Variants in BTC observed in about 807,000 individuals in gnomAD.
The protein encoded by BTC is probetacellulin.
A neutral mutation model predicts 18.1 loss-of-function variants in BTC; 13 were observed. The ratio of observed to expected loss-of-function variants is 0.72; its 90% confidence interval spans 0.47 to 1.14. The LOEUF (loss-of-function observed/expected upper bound fraction) is 1.14. Ranked by LOEUF, BTC falls within the 50% of genes most tolerant of loss-of-function variation. The pLI is 0.00. For synonymous variants in BTC, 83 were observed against 79.4 expected (o/e 1.05, Z -0.24); for missense variants, 247 against 224.2 (o/e 1.10, Z -0.65).
chr4:74,748,002 C>A lies in BTC; in HGVS notation c.*1+38G>T. On this transcript the variant is annotated intron_variant, in intron 5 of 5. Coordinates refer to ENST00000395743, the MANE Select transcript of BTC (RefSeq NM_001729.4). ...GCCCAATCTAACCAGTTAAATGTCA[C>A]CTGAATAGTTTTCTATCAGCAAGTT... is the stretch of plus-strand genomic sequence containing the variant. 2.5e-6 allele frequency: 3 copies of A among 1,203,380 alleles called. No individual in the cohort carries two copies. In the South Asian group the frequency reaches 4.2e-5, roughly 17 times the overall value. 74.5% of individuals were successfully genotyped at this position (1,203,380 alleles called of 1,614,324 possible).
At chr4:74,756,582 C>T (rs1724605351) in intron 2 of BTC, among the ~76,000 whole-genome samples, 1 of 152,206 alleles carries the variant, frequency 6.6e-6, no homozygotes, top group South Asian at 2.1e-4. Flanking sequence ...CAGTCTGCCA[C>T]TGAGTCCACG....
intron 2 of BTC, among the ~76,000 whole-genome samples, chr4:74,763,513 T>G (rs1222716687): frequency 6.6e-6 from 1 of 151,980 alleles, no homozygotes; most frequent in East Asian, 1.9e-4. Flanking sequence ...TTACATTTAT[T>G]ATTTGTAAAC....
intron 1 of BTC, among the ~76,000 whole-genome samples, chr4:74,772,412 A>G (rs552423934): frequency 2.8e-4 from 43 of 152,348 alleles, no homozygotes; most frequent in African/African-American, 9.9e-4. Flanking sequence ...GGAATTTTAT[A>G]TTACTCATCT....
At chr4:74,775,065 G>A (rs1725142277) in intron 1 of BTC, among the ~76,000 whole-genome samples, 1 of 152,066 alleles carries the variant, frequency 6.6e-6, no homozygotes, top group African/African-American at 2.4e-5. Flanking sequence ...AAAGATACAA[G>A]GTATAAAGAA....
chr4:74,776,145 T>C (rs1358726101), intron 1 of BTC, among the ~76,000 whole-genome samples: 1 of 152,046 alleles, frequency 6.6e-6, no homozygotes, highest in Non-Finnish European at 1.5e-5. Context: ...GTTTCTTTTT[T>C]TCATTGCTAT....
intron 5 of BTC, among the ~76,000 whole-genome samples, chr4:74,746,925 C>A (rs993027067): frequency 6.6e-6 from 1 of 152,186 alleles, no homozygotes; most frequent in African/African-American, 2.4e-5. Context: ...TGGATGTAAA[C>A]GAGGAAGCTT....
In BTC at chr4:74,746,337, T is replaced by A. The variant is rs1457661906; in HGVS notation, c.*340A>T. 2 of 152,436 alleles carry A rather than the reference T, an allele frequency of 1.3e-5. No individual in the cohort carries two copies. Among genetic ancestry groups the A allele is most frequent in the East Asian group, 3.8e-4 (2 of 5,206 alleles). 9.4% of individuals were successfully genotyped at this position (152,436 alleles called of 1,614,324 possible). ...TGGTAAATGCTTGATAAATGGTAGCTTTATTATTAATTCAATTCCTAAGAC... is the reference window on the plus strand; with the variant it reads ...TGGTAAATGCTTGATAAATGGTAGCATTATTATTAATTCAATTCCTAAGAC... On this transcript the variant is annotated 3_prime_UTR_variant, in exon 6 of 6. Transcript: ENST00000395743.
chr4:74,781,223 G>A (rs1188374853), intron 1 of BTC, among the ~76,000 whole-genome samples: 1 of 152,004 alleles, frequency 6.6e-6, no homozygotes, highest in Non-Finnish European at 1.5e-5. Context: ...TCTTCCAAAT[G>A]CTGCCTTCCT....
At chr4:74,756,096 C>T (rs1724590612) in intron 2 of BTC, 120 bp from the exon 3 acceptor site, 8 of 957,902 alleles carry the variant, frequency 8.4e-6, no homozygotes, top group Non-Finnish European at 1.3e-5. Context: ...TCTCATTTTT[C>T]TTTCTCTCTG....
intron 2 of BTC, among the ~76,000 whole-genome samples, chr4:74,768,754 A>C (rs1724963693): frequency 6.6e-6 from 1 of 152,222 alleles, no homozygotes; most frequent in Non-Finnish European, 1.5e-5. Context: ...TTACTACAAT[A>C]AAAATAAAAT....
intron 4 of BTC, among the ~76,000 whole-genome samples, 193 bp downstream of exon 4, chr4:74,750,380 A>T (rs1724426793): frequency 6.6e-6 from 1 of 152,216 alleles, no homozygotes; most frequent in South Asian, 2.1e-4. Context: ...AATTTTATTC[A>T]GTAAATGATA....
At chr4:74,752,620 C>T (rs1484132878) in intron 3 of BTC, among the ~76,000 whole-genome samples, 3 of 152,128 alleles carry the variant, frequency 2.0e-5, no homozygotes, top group South Asian at 4.2e-4. Context: ...ACCTCGTGAT[C>T]CTCCCACGTC....
At chr4:74,775,586 T>C (rs1725154361) in intron 1 of BTC, among the ~76,000 whole-genome samples, 1 of 152,206 alleles carries the variant, frequency 6.6e-6, no homozygotes. Flanking sequence ...AAAATTTCAG[T>C]ACAGAAATTT....
chr4:74,789,677 T>C (rs1260004624), intron 1 of BTC, among the ~76,000 whole-genome samples: 1 of 152,210 alleles, frequency 6.6e-6, no homozygotes, highest in Non-Finnish European at 1.5e-5. Flanking sequence ...AAAACTTTCC[T>C]AAATTAATGT....
chr4:74,792,687 C>T (rs1051804214), intron 1 of BTC, among the ~76,000 whole-genome samples: 1 of 152,206 alleles, frequency 6.6e-6, no homozygotes. Flanking sequence ...CATGCTCATT[C>T]GCATCGCCAA....
chr4:74,776,589 T>C (rs148964747), intron 1 of BTC, among the ~76,000 whole-genome samples: 22 of 152,256 alleles, frequency 1.4e-4, no homozygotes, highest in African/African-American at 4.6e-4. Context: ...GCATGGGGAA[T>C]GAAGTCAGTG....
At chr4:74,755,458 C>T (rs1724572366) in intron 3 of BTC, among the ~76,000 whole-genome samples, 1 of 152,222 alleles carries the variant, frequency 6.6e-6, no homozygotes, top group African/African-American at 2.4e-5. Context: ...ACTTAAGTGA[C>T]TCCTACAAAA....
intron 1 of BTC, among the ~76,000 whole-genome samples, chr4:74,774,095 C>CA (rs952609381): frequency 2.0e-5 from 3 of 151,690 alleles, no homozygotes; most frequent in African/African-American, 7.3e-5. Flanking sequence ...TTTACAAAAA[C>CA]AAAAAAAGTG....
At chr4:74,788,151 G>T (rs1725530385) in intron 1 of BTC, among the ~76,000 whole-genome samples, 1 of 152,150 alleles carries the variant, frequency 6.6e-6, no homozygotes, top group South Asian at 2.1e-4. Context: ...AGATAGAACT[G>T]TATCAATAAT....
Sources: allele counts gnomAD v4.1 joint callset (sites outside exome capture counted in the v4.1 genomes callset), GRCh38; gene constraint gnomAD v4.1.1; transcripts MANE v1.5; gene names NCBI Gene and HGNC (gene_info 2026-07-23, HGNC 2026-07-21).